The following LRP2 variants were observed in gnomAD, a reference collection of about 807,000 sequenced individuals.
LRP2 encodes low-density lipoprotein receptor-related protein 2.
LRP2 carries 172 observed loss-of-function variants against 531.0 expected under a neutral mutation model. That is an observed-to-expected ratio of 0.32 (90% CI 0.29 to 0.37). LRP2 has a LOEUF of 0.37. LRP2 is among the 10% of genes least tolerant of loss of function. The pLI is 1.00. For synonymous variants in LRP2, 1,992 were observed against 2,027.6 expected (o/e 0.98, Z 0.47); for missense variants, 5,167 against 5,868.3 (o/e 0.88, Z 3.90).
chr2:169,135,115 C>G (rs1685450176), intron 76 of LRP2, among the ~76,000 whole-genome samples: 1 of 152,174 alleles, frequency 6.6e-6, no homozygotes, highest in South Asian at 2.1e-4. Flanking sequence ...ATTTCATAAC[C>G]TCTTCCATGT....
At chr2:169,258,536 A>C (rs1251158420) in intron 17 of LRP2, among the ~76,000 whole-genome samples, 1 of 152,076 alleles carries the variant, frequency 6.6e-6, no homozygotes, top group Admixed American at 6.6e-5. Flanking sequence ...AATACTGTGA[A>C]CTCTTCTGTC....
chr2:169,203,089 C>A, intron 42 of LRP2, 130 bp from the exon 43 acceptor site: 1 of 710,214 alleles, frequency 1.4e-6, no homozygotes, highest in East Asian at 2.9e-5. Context: ...AAGTTCTGCC[C>A]ATTAACCTTT....
intron 1 of LRP2, among the ~76,000 whole-genome samples, chr2:169,326,172 CCCCCTCTCCCCTCTCCCCTCTCCCCTCT>C (rs1301858111): frequency 2.8e-5 from 1 of 36,182 alleles, no homozygotes; most frequent in Non-Finnish European, 5.4e-5. Flanking sequence ...CCCTCTCCCT[CCCCCTCTCCCCTCTCCCCTCTCCCCTCT>C]CCCCTCTCCC....
At chr2:169,165,270 G>A (rs1006089574) in intron 62 of LRP2, among the ~76,000 whole-genome samples, 1 of 152,256 alleles carries the variant, frequency 6.6e-6, no homozygotes, top group South Asian at 2.1e-4. Context: ...ACATTTTCTA[G>A]GCAAATTAAA....
chr2:169,239,810 A>G, intron 25 of LRP2, 35 bp from the exon 26 acceptor site: 6 of 1,568,010 alleles, frequency 3.8e-6, no homozygotes, highest in Non-Finnish European at 5.3e-6. Flanking sequence ...AAAAAAGAAA[A>G]TCAAGAATCT....
intron 9 of LRP2, among the ~76,000 whole-genome samples, chr2:169,285,886 TC>T (rs1683843669): frequency 6.6e-6 from 1 of 152,178 alleles, no homozygotes. Context: ...ACCGAGGTAT[TC>T]ACTGGGGAGC....
At chr2:169,354,518 T>C (rs949734393) in intron 1 of LRP2, among the ~76,000 whole-genome samples, 1 of 152,236 alleles carries the variant, frequency 6.6e-6, no homozygotes, top group African/African-American at 2.4e-5. Flanking sequence ...TGAGGGCTAA[T>C]GACCAAAAGT....
At position 169,246,922 on chromosome 2, in the gene LRP2, C is replaced by T. The variant is rs999473891; in HGVS notation, c.2973G>A (p.Val991=). ...NGDCSHFCFP[V]PNFQRVCGCP... is the part of the protein sequence containing the mutation. ...ACCCACACACTCGCTGGAAATTTGG[C>T]ACCGGGAAGCAGAAGTGGCTGCAGT... is the stretch of plus-strand genomic sequence containing the variant. The change falls in exon 21 of 79, where the codon GTG becomes GTA. Residue 991 remains valine (V), a synonymous_variant. Coordinates refer to ENST00000649046, the MANE Select transcript of LRP2 (RefSeq NM_004525.3). 7.4e-6 allele frequency: 12 copies of T among 1,614,162 alleles called. No individual in the cohort carries two copies. The highest frequency in any genetic ancestry group is 9.3e-6 in the Non-Finnish European group (11 of 1,180,024).
intron 4 of LRP2, among the ~76,000 whole-genome samples, chr2:169,303,450 G>A (rs1055977930): frequency 1.3e-5 from 2 of 152,144 alleles, no homozygotes; most frequent in Non-Finnish European, 2.9e-5. Flanking sequence ...GGGTAAGGTG[G>A]TGGCTGGTGC....
chr2:169,341,279 A>G (rs1375091697), intron 1 of LRP2, among the ~76,000 whole-genome samples: 2 of 152,182 alleles, frequency 1.3e-5, no homozygotes, highest in Admixed American at 6.6e-5. Flanking sequence ...CAAATTACAA[A>G]GATCATACGT....
intron 41 of LRP2, 140 bp downstream of exon 41, chr2:169,205,339 G>A (rs910446921): frequency 1.0e-5 from 9 of 896,726 alleles, no homozygotes; most frequent in Non-Finnish European, 1.6e-5. Context: ...TATAAACATA[G>A]TTCCTAAAAC....
chr2:169,168,703 A>C, intron 60 of LRP2, 27 bp from the exon 61 acceptor site: 1 of 1,613,594 alleles, frequency 6.2e-7, no homozygotes, highest in Non-Finnish European at 8.5e-7. Flanking sequence ...AAACATATTC[A>C]AATTATTATA....
chr2:169,286,224 G>GTC (rs1683853756), intron 9 of LRP2, among the ~76,000 whole-genome samples: 1 of 152,170 alleles, frequency 6.6e-6, no homozygotes, highest in East Asian at 1.9e-4. Flanking sequence ...CACAGAAAAG[G>GTC]TCTCTGCAGG....
rs111908115 is a variant in LRP2 at position 169,235,388 on chromosome 2, T to C, written c.4920+452A>G. Among the ~76,000 whole-genome samples, 960 of 152,140 alleles carry C rather than the reference T, an allele frequency of 6.3e-3. 15 individuals are homozygous for C. The highest frequency in any genetic ancestry group is 0.02 in the African/African-American group (812 of 41,502). ...CCGAATAGCTGAGACTATAGGTGTG[T>C]GCTACCACACTGGCTAATTTTTGTG... On this transcript the variant is annotated intron_variant, in intron 29 of 78. Coordinates refer to ENST00000649046, the MANE Select transcript of LRP2 (RefSeq NM_004525.3).
At chr2:169,355,342 T>G (rs996233538) in intron 1 of LRP2, among the ~76,000 whole-genome samples, 10 of 152,226 alleles carry the variant, frequency 6.6e-5, no homozygotes, top group Admixed American at 6.5e-4. Flanking sequence ...ACATACAAAA[T>G]GAAAATAACA....
chr2:169,277,301 T>C (rs1683582468), intron 13 of LRP2, among the ~76,000 whole-genome samples: 1 of 152,080 alleles, frequency 6.6e-6, no homozygotes, highest in Non-Finnish European at 1.5e-5. Context: ...TCCTTGAAAT[T>C]TGAAATATAT....
At chr2:169,329,412 G>C (rs904543272) in intron 1 of LRP2, among the ~76,000 whole-genome samples, 9 of 152,190 alleles carry the variant, frequency 5.9e-5, no homozygotes, top group African/African-American at 2.2e-4. Flanking sequence ...CAGAAGCTTA[G>C]CATGGGTGAG....
At chr2:169,310,644 C>A (rs1242516089) in intron 3 of LRP2, among the ~76,000 whole-genome samples, 8 of 152,070 alleles carry the variant, frequency 5.3e-5, no homozygotes, top group East Asian at 1.9e-4. Context: ...TTCATCAGGG[C>A]TATTGGTCTA....
chr2:169,327,252 C>T (rs1220375468), intron 1 of LRP2, among the ~76,000 whole-genome samples: 1 of 31,384 alleles, frequency 3.2e-5, no homozygotes, highest in African/African-American at 8.9e-5. Context: ...GCCCCACGTC[C>T]GGGAGGGAGG....
Sources: gnomAD v4.1 joint callset for allele counts (sites outside exome capture counted in the v4.1 genomes callset) on GRCh38, gnomAD v4.1.1 for gene constraint, MANE v1.5 for transcripts, NCBI Gene and HGNC (gene_info 2026-07-23, HGNC 2026-07-21) for gene names.